Variants in ITSN1 observed in about 807,000 individuals in gnomAD.
ITSN1 encodes intersectin-1.
Under a neutral mutation model 239.8 loss-of-function variants are expected in ITSN1, and 58 were observed. That is an observed-to-expected ratio of 0.24 (90% CI 0.20 to 0.30). ITSN1 has a LOEUF of 0.30. Among genes scored for constraint, ITSN1 ranks in the 10% least tolerant of loss-of-function variants. The probability of loss-of-function intolerance (pLI) is 1.00; values close to 1 mark genes in which losing one functional copy is unlikely to be tolerated. For synonymous variants in ITSN1, 780 were observed against 770.8 expected (o/e 1.01, Z -0.20); for missense variants, 1,558 against 2,103.3 (o/e 0.74, Z 5.07).
intron 5 of ITSN1, among the ~76,000 whole-genome samples, chr21:33,742,928 A>T (rs2066949701): frequency 6.6e-6 from 1 of 152,130 alleles, no homozygotes; most frequent in African/African-American, 2.4e-5. Flanking sequence ...GAGAAATAAC[A>T]CCCCTGTGGA....
chr21:33,867,422 T>C, intron 33 of ITSN1, 91 bp downstream of exon 33: 1 of 773,548 alleles, frequency 1.3e-6, no homozygotes, highest in Non-Finnish European at 2.3e-6. Context: ...AGTGAACATA[T>C]CTGGTAACTG....
intron 2 of ITSN1, among the ~76,000 whole-genome samples, chr21:33,719,520 T>G (rs896091125): frequency 2.0e-5 from 3 of 152,252 alleles, no homozygotes; most frequent in African/African-American, 7.2e-5. Flanking sequence ...CCTTATAGTC[T>G]TTGGACATTT....
intron 1 of ITSN1, among the ~76,000 whole-genome samples, chr21:33,644,909 C>T (rs2087795229): frequency 2.0e-5 from 3 of 151,768 alleles, no homozygotes; most frequent in African/African-American, 2.4e-5. Context: ...GCAGCCTCGA[C>T]CTCCTGGGCT....
rs112700771 is a variant in ITSN1, at chr21:33,797,019, CT to C, written c.1953-359del. The stretch of plus-strand genomic sequence containing the variant: ...GCATGTAAATGTGTTGTTCCCTTTG[CT>C]GGGGGGAAATTTTTACAGTGTTGGG... On this transcript the variant is annotated intron_variant, in intron 17 of 39. Coordinates refer to ENST00000381318, the MANE Select transcript of ITSN1 (RefSeq NM_003024.3). This position sits in a 1 kb window ranked among gnomAD's most constrained non-coding sequence, Gnocchi z 4.9. Among the ~76,000 whole-genome samples the C allele has an allele frequency of 0.018, 2,778 of 152,172 alleles. 85 individuals are homozygous for C. The highest frequency in any genetic ancestry group is 0.063 in the African/African-American group (2,601 of 41,510).
At chr21:33,704,206 T>C (rs1463362761) in intron 1 of ITSN1, among the ~76,000 whole-genome samples, 5 of 152,208 alleles carry the variant, frequency 3.3e-5, no homozygotes, top group Admixed American at 2.0e-4. Context: ...TCAGGAAGCT[T>C]TTCCTTTTTG....
intron 29 of ITSN1, chr21:33,837,677 G>C: frequency 1.0e-6 from 1 of 985,836 alleles, no homozygotes; most frequent in Non-Finnish European, 1.2e-6. Flanking sequence ...TAAGAAATTA[G>C]TTCTTTCCAT....
rs58230508 is a variant in ITSN1 at position 33,687,398 on chromosome 21, TAAAAAAAAAAAA to T, written c.-32-31380_-32-31369del. On this transcript the variant is annotated intron_variant, in intron 1 of 39. Coordinates refer to ENST00000381318, the MANE Select transcript of ITSN1 (RefSeq NM_003024.3). ...GGGCAACAAGAGCAGAACTCCATCT[TAAAAAAAAAAAA>T]AAAAAAAAAAAAAAAAAAGAATTTT... 2.5e-4 allele frequency among the ~76,000 whole-genome samples: 20 copies of T among 81,340 alleles called. 1 individual carries two copies. Among genetic ancestry groups the T allele is most frequent in the African/African-American group, 7.0e-4 (13 of 18,458 alleles). The allele number at this position is 81,340 out of a possible 152,430, so 53.4% of individuals were successfully genotyped here. A position where few individuals can be genotyped will look rare whatever the true frequency, so the allele number is the denominator to read the frequency against.
chr21:33,873,063 A>G (rs1251997968), intron 33 of ITSN1, among the ~76,000 whole-genome samples: 1 of 152,122 alleles, frequency 6.6e-6, no homozygotes, highest in Non-Finnish European at 1.5e-5. Context: ...CCTGAGTTTC[A>G]CCCTCCAGGG....
At position 33,797,212 on chromosome 21, in the gene ITSN1, CT is replaced by C. The variant is rs1245476375; in HGVS notation, c.1953-165del. Among the ~76,000 whole-genome samples the C allele has an allele frequency of 6.6e-6, 1 of 152,132 alleles. No individual in the cohort carries two copies. The highest frequency in any genetic ancestry group is 6.5e-5 in the Admixed American group (1 of 15,280). ...TGTGTTTTCCTAAATCATGTGATTT[CT>C]TCTCATTCAGAACTGGAGCCCTGAT... is the stretch of plus-strand genomic sequence containing the variant. On this transcript the variant is annotated intron_variant, in intron 17 of 39. Transcript: ENST00000381318. The surrounding 1 kb of genome is among the most constrained non-coding windows in gnomAD (Gnocchi z 4.9).
At chr21:33,795,250 A>G (rs1380091397) in intron 17 of ITSN1, among the ~76,000 whole-genome samples, 1 of 152,108 alleles carries the variant, frequency 6.6e-6, no homozygotes, top group Non-Finnish European at 1.5e-5. Flanking sequence ...AGATATTAGG[A>G]CCATCCTGGC....
intron 1 of ITSN1, among the ~76,000 whole-genome samples, chr21:33,689,066 G>A (rs927726079): frequency 6.6e-5 from 10 of 152,062 alleles, no homozygotes; most frequent in African/African-American, 2.4e-4. Flanking sequence ...ACCCACCTCG[G>A]CCTCCCAAAG....
At position 33,653,521 on chromosome 21, in the gene ITSN1, C is replaced by G. The variant is rs529401072; in HGVS notation, c.-33+10808C>G. Among the ~76,000 whole-genome samples, 22 of 152,038 alleles carry G rather than the reference C, an allele frequency of 1.4e-4. No individual in the cohort carries two copies. The South Asian group carries it at 4.4e-3, about 30-fold the overall frequency. On this transcript the variant is annotated intron_variant, in intron 1 of 39. Transcript: ENST00000381318. ...TATAATTTATTTTTAACTTGTATTT[C>G]TTTCTTTTTTTTCTTTTTTGAGACA...
intron 27 of ITSN1, among the ~76,000 whole-genome samples, chr21:33,832,756 C>T (rs1044564846): frequency 6.6e-6 from 1 of 152,142 alleles, no homozygotes. Context: ...TCTATCAGAC[C>T]TCAAGGAAAG....
intron 19 of ITSN1, among the ~76,000 whole-genome samples, chr21:33,801,453 A>G (rs2071993630): frequency 6.6e-6 from 1 of 152,030 alleles, no homozygotes; most frequent in African/African-American, 2.4e-5. Context: ...GCAAGGCCAA[A>G]CATCCCAAAT....
chr21:33,867,890 G>A (rs534259926), intron 33 of ITSN1, among the ~76,000 whole-genome samples: 126 of 152,294 alleles, frequency 8.3e-4, no homozygotes, highest in African/African-American at 2.9e-3. Context: ...TTAAGGCAGC[G>A]CGTCTGGAGT....
intron 24 of ITSN1, among the ~76,000 whole-genome samples, chr21:33,821,080 A>G (rs564888272): frequency 6.6e-6 from 1 of 152,370 alleles, no homozygotes; most frequent in East Asian, 1.9e-4. Flanking sequence ...AATGTCTGCT[A>G]CTTTTATGTC....
chr21:33,755,004 A>G (rs898253238), intron 7 of ITSN1, among the ~76,000 whole-genome samples: 1 of 152,154 alleles, frequency 6.6e-6, no homozygotes, highest in African/African-American at 2.4e-5. Context: ...GGTTTTTCAT[A>G]CTTTTATAGA....
chr21:33,791,516 A>G (rs2071130940), intron 16 of ITSN1, among the ~76,000 whole-genome samples: 1 of 152,202 alleles, frequency 6.6e-6, no homozygotes, highest in African/African-American at 2.4e-5. Flanking sequence ...TTATTTTTGA[A>G]ACTGTGTCAT....
At position 33,875,407 on chromosome 21, in the gene ITSN1, C is replaced by G; in HGVS notation, c.4227C>G (p.Ala1409=). 6.2e-7 allele frequency: 1 copy of G among 1,614,080 alleles called. No individual in the cohort carries two copies. The highest frequency in any genetic ancestry group is 1.7e-5 in the Admixed American group (1 of 60,010). ...CGGACCACAGCCACTTGAAGCACGC[C>G]CTGGAGAAGGCGGAAGAGCTCTGTT... ...NHPDHSHLKH[A]LEKAEELCSQ... is the part of the protein sequence containing the mutation. The change falls in exon 34 of 40, where the codon GCC becomes GCG. Residue 1409 remains alanine (A), a synonymous_variant. Transcript: ENST00000381318.
Sources: allele counts gnomAD v4.1 joint callset (sites outside exome capture counted in the v4.1 genomes callset), GRCh38; gene constraint gnomAD v4.1.1; non-coding constraint Gnocchi (gnomAD v3.1); transcripts MANE v1.5; gene names NCBI Gene and HGNC (gene_info 2026-07-23, HGNC 2026-07-21).